Variants in SMS observed in about 807,000 individuals in gnomAD.
The protein encoded by SMS is spermidine aminopropyltransferase.
SMS carries 3 observed loss-of-function variants against 33.0 expected under a neutral mutation model. That is an observed-to-expected ratio of 0.09 (90% CI 0.04 to 0.23). The LOEUF (loss-of-function observed/expected upper bound fraction) is 0.23, where lower values mean the gene tolerates loss of function less well. Ranked by LOEUF, SMS falls within the 10% of genes least tolerant of loss-of-function variation. The pLI, the probability that SMS is intolerant of heterozygous loss-of-function variation, is 1.00. For missense variants in SMS, 117 were observed against 288.6 expected (o/e 0.41, Z 4.31); for synonymous variants, 103 against 112.2 (o/e 0.92, Z 0.52).
intron 1 of SMS, among the ~76,000 whole-genome samples, chrX:21,961,998 C>G (rs1051380307): frequency 8.9e-6 from 1 of 112,320 alleles, no homozygotes; most frequent in South Asian, 3.7e-4. Flanking sequence ...TGGACACTTA[C>G]GACCTTGCTA....
At chrX:21,945,394 T>A (rs1485337137) in intron 1 of SMS, among the ~76,000 whole-genome samples, 1 of 111,640 alleles carries the variant, frequency 9.0e-6, no homozygotes, top group Non-Finnish European at 1.9e-5. Context: ...AGGAGATTTG[T>A]GTCGCTCAAA....
intron 2 of SMS, among the ~76,000 whole-genome samples, chrX:21,968,724 T>G (rs926232509): frequency 8.9e-6 from 1 of 112,038 alleles, no homozygotes; most frequent in African/African-American, 3.2e-5. Flanking sequence ...TAAATCTTGG[T>G]TTGTATTATA....
At chrX:21,977,487 A>T (rs935662379) in intron 5 of SMS, among the ~76,000 whole-genome samples, 2 of 102,084 alleles carry the variant, frequency 2.0e-5, no homozygotes, top group South Asian at 3.9e-4. Context: ...TTGCATATTT[A>T]AAAAAAAAAA....
At chrX:21,954,021 C>T (rs1922806336) in intron 1 of SMS, among the ~76,000 whole-genome samples, 1 of 110,286 alleles carries the variant, frequency 9.1e-6, no homozygotes, top group African/African-American at 3.3e-5. Context: ...TAAGTATTCT[C>T]ATTCTCTAGT....
Position 21,940,749 on chromosome X carries a change from G to T in SMS, c.-76G>T, listed in dbSNP as rs2147479496. On this transcript the variant is annotated 5_prime_UTR_variant, in exon 1 of 11. Transcript: ENST00000404933. ...GGGCGCAGCACACTCCCAGCCGGCC[G>T]CAGCCTGACACGCCGCGCGGCCCCC... 1.1e-6 allele frequency: 1 copy of T among 870,217 alleles called. No individual in the cohort carries two copies. The highest frequency in any genetic ancestry group is 4.3e-5 in the East Asian group (1 of 23,497). The allele number at this position is 870,217 out of a possible 1,213,427, so 71.7% of individuals were successfully genotyped here. A position where few individuals can be genotyped will look rare whatever the true frequency, so the allele number is the denominator to read the frequency against.
chrX:21,958,198 A>G (rs929565839), intron 1 of SMS, among the ~76,000 whole-genome samples: 2 of 112,224 alleles, frequency 1.8e-5, no homozygotes, highest in Non-Finnish European at 3.8e-5. Context: ...GCCAATGCCT[A>G]GAAGAGTTTT....
chrX:21,946,747 A>G (rs1256038443), intron 1 of SMS, among the ~76,000 whole-genome samples: 2 of 111,848 alleles, frequency 1.8e-5, no homozygotes, highest in African/African-American at 6.5e-5. Flanking sequence ...CCCCTGCGGC[A>G]TTGACAGCCC....
intron 7 of SMS, among the ~76,000 whole-genome samples, chrX:21,981,086 C>G (rs952997965): frequency 9.0e-6 from 1 of 111,237 alleles, no homozygotes; most frequent in Non-Finnish European, 1.9e-5. Flanking sequence ...TTTGGGAGGC[C>G]GAGGTGGGTG....
chrX:21,942,480 T>A (rs1921885889), intron 1 of SMS, among the ~76,000 whole-genome samples: 1 of 112,069 alleles, frequency 8.9e-6, no homozygotes, highest in Non-Finnish European at 1.9e-5. Flanking sequence ...GAGCACACTG[T>A]AGGGTTTTTA....
chrX:21,949,350 A>G (rs982224243), intron 1 of SMS, among the ~76,000 whole-genome samples: 6 of 112,255 alleles, frequency 5.3e-5, no homozygotes, highest in South Asian at 3.6e-4. Flanking sequence ...ACTAATTGCA[A>G]TACTTAGGGC....
chrX:21,952,415 TTGTTTG>T (rs201385389), intron 1 of SMS, among the ~76,000 whole-genome samples: 8 of 90,692 alleles, frequency 8.8e-5, no homozygotes, highest in African/African-American at 3.4e-4. Flanking sequence ...CGTTGTTTGT[TTGTTTG>T]TTTTTTTTTT....
intron 9 of SMS, among the ~76,000 whole-genome samples, chrX:21,989,810 A>G (rs1007356884): frequency 4.0e-4 from 44 of 111,116 alleles, no homozygotes; most frequent in Non-Finnish European, 2.3e-4. Flanking sequence ...TGGCTTGATC[A>G]CTGCTCACTG....
intron 1 of SMS, among the ~76,000 whole-genome samples, chrX:21,966,808 T>C (rs1923754501): frequency 8.9e-6 from 1 of 111,797 alleles, no homozygotes; most frequent in Non-Finnish European, 1.9e-5. Context: ...TGAAGTGGAA[T>C]CTCATTTGTT....
chrX:21,971,419 G>T (rs918664613), intron 2 of SMS, among the ~76,000 whole-genome samples: 1 of 111,663 alleles, frequency 9.0e-6, no homozygotes, highest in South Asian at 3.7e-4. Flanking sequence ...GATGGATTAG[G>T]TTTGCAGGCA....
At chrX:21,967,789 C>T (rs1010326264) in intron 2 of SMS, among the ~76,000 whole-genome samples, 41 of 112,478 alleles carry the variant, frequency 3.6e-4, no homozygotes, top group African/African-American at 1.3e-3. Flanking sequence ...TGGTGAGCCC[C>T]GCTCTTGGCG....
At chrX:21,983,602 G>A (rs1322658776) in intron 7 of SMS, among the ~76,000 whole-genome samples, 1 of 111,683 alleles carries the variant, frequency 9.0e-6, no homozygotes, top group Non-Finnish European at 1.9e-5. Context: ...GATGGTGGGA[G>A]CTGTTATATA....
chrX:21,992,250 G>A (rs1925806867), intron 9 of SMS, among the ~76,000 whole-genome samples: 1 of 112,330 alleles, frequency 8.9e-6, no homozygotes, highest in Admixed American at 9.4e-5. Context: ...AATGGTGACC[G>A]TTATTGAGAA....
At chrX:21,948,833 A>G (rs2147489566) in intron 1 of SMS, among the ~76,000 whole-genome samples, 1 of 112,356 alleles carries the variant, frequency 8.9e-6, no homozygotes, top group South Asian at 3.7e-4. Context: ...CTGCAGTTGT[A>G]ACCTAAGCCT....
At chrX:21,958,663 C>T (rs891532958) in intron 1 of SMS, among the ~76,000 whole-genome samples, 1 of 112,321 alleles carries the variant, frequency 8.9e-6, no homozygotes, top group African/African-American at 3.2e-5. Context: ...CTTTACATCT[C>T]TATGAGTTTG....
Sources: gnomAD v4.1 joint callset for allele counts (sites outside exome capture counted in the v4.1 genomes callset) on GRCh38, gnomAD v4.1.1 for gene constraint, MANE v1.5 for transcripts, NCBI Gene and HGNC (gene_info 2026-07-23, HGNC 2026-07-21) for gene names.